Variants in RASA1 observed in about 807,000 individuals in gnomAD.
RASA1 encodes RAS p21 protein activator 1.
Under a neutral mutation model 132.2 loss-of-function variants are expected in RASA1, and 25 were observed. That is an observed-to-expected ratio of 0.19 (90% CI 0.14 to 0.26). The LOEUF is 0.26. RASA1 is among the 10% of genes least tolerant of loss of function. The probability of loss-of-function intolerance (pLI) is 1.00; values close to 1 mark genes in which losing one functional copy is unlikely to be tolerated. For missense variants in RASA1, 964 were observed against 1,299.2 expected (o/e 0.74, Z 3.97); for synonymous variants, 477 against 449.9 (o/e 1.06, Z -0.76).
intron 22 of RASA1, among the ~76,000 whole-genome samples, chr5:87,386,255 G>A (rs147341946): frequency 1.3e-5 from 2 of 152,096 alleles, no homozygotes; most frequent in African/African-American, 2.4e-5. Context: ...AAAAGAGTGT[G>A]TTAATCTTAA....
Position 87,369,873 on chromosome 5 carries a change from T to C in RASA1, c.1671T>C (p.Phe557=), listed in dbSNP as rs941056921. ...HFSEEHYIFY[F]AGETPEQAED... ...GTGAAGAACATTACATCTTTTACTT[T>C]GCAGGAGAAACTCCAGAACAAGCAG... The change falls in exon 12 of 25, where the codon TTT becomes TTC. Residue 557 remains phenylalanine, a synonymous_variant. Coordinates refer to ENST00000274376, the MANE Select transcript of RASA1 (RefSeq NM_002890.3). 2 of 1,611,622 alleles carry C rather than the reference T, an allele frequency of 1.2e-6. No homozygotes were observed. Among genetic ancestry groups the C allele is most frequent in the Non-Finnish European group, 1.7e-6 (2 of 1,178,180 alleles).
At chr5:87,388,149 A>C (rs2112521023) in intron 23 of RASA1, among the ~76,000 whole-genome samples, 1 of 152,304 alleles carries the variant, frequency 6.6e-6, no homozygotes, top group East Asian at 1.9e-4. Context: ...TGATTACTTT[A>C]TTCTAAAGTC....
intron 1 of RASA1, among the ~76,000 whole-genome samples, chr5:87,310,340 G>T (rs1350520991): frequency 1.3e-5 from 2 of 152,108 alleles, no homozygotes; most frequent in African/African-American, 4.8e-5. Context: ...CAAAATATTT[G>T]CAAGCAAAGG....
chr5:87,344,460 T>A (rs187387120), intron 6 of RASA1, among the ~76,000 whole-genome samples: 1 of 152,136 alleles, frequency 6.6e-6, no homozygotes, highest in Admixed American at 6.6e-5. Flanking sequence ...CTAGCACTTA[T>A]CATCTGTAGT....
intron 1 of RASA1, among the ~76,000 whole-genome samples, chr5:87,282,004 A>G (rs1754340991): frequency 6.6e-6 from 1 of 152,006 alleles, no homozygotes; most frequent in Non-Finnish European, 1.5e-5. Context: ...GCTACTTTTT[A>G]GTTTTGTTGA....
chr5:87,298,292 C>T (rs1755208279), intron 1 of RASA1, among the ~76,000 whole-genome samples: 1 of 151,670 alleles, frequency 6.6e-6, no homozygotes, highest in Admixed American at 6.6e-5. Flanking sequence ...GCCTGTAGTC[C>T]CAGCTACTCG....
At chr5:87,367,164 A>T (rs1760589122) in intron 11 of RASA1, among the ~76,000 whole-genome samples, 2 of 152,352 alleles carry the variant, frequency 1.3e-5, no homozygotes, top group Middle Eastern at 6.8e-3. Context: ...ATGCCAAGGC[A>T]AATAGCATTA....
chr5:87,361,912 T>C (rs1760127804), intron 9 of RASA1, among the ~76,000 whole-genome samples: 2 of 152,206 alleles, frequency 1.3e-5, no homozygotes, highest in East Asian at 1.9e-4. Context: ...AAGAGGTACA[T>C]TACATGAGGA....
chr5:87,342,470 A>C (rs1490743812), intron 6 of RASA1, among the ~76,000 whole-genome samples: 1 of 152,122 alleles, frequency 6.6e-6, no homozygotes, highest in Non-Finnish European at 1.5e-5. Flanking sequence ...GGAGTTGCAA[A>C]TTCTAATTAA....
At chr5:87,355,351 C>T (rs1296897901) in intron 9 of RASA1, among the ~76,000 whole-genome samples, 3 of 152,124 alleles carry the variant, frequency 2.0e-5, no homozygotes, top group Non-Finnish European at 4.4e-5. Flanking sequence ...TTCTGAAAAT[C>T]CTAGGAGCAT....
At chr5:87,313,679 A>G (rs991012430) in intron 1 of RASA1, among the ~76,000 whole-genome samples, 1 of 152,236 alleles carries the variant, frequency 6.6e-6, no homozygotes, top group African/African-American at 2.4e-5. Context: ...GATTGATTAT[A>G]TTACAGATAA....
chr5:87,369,527 A>C (rs1760772448), intron 11 of RASA1, among the ~76,000 whole-genome samples: 1 of 152,160 alleles, frequency 6.6e-6, no homozygotes. Context: ...CTAGCAGTTC[A>C]GCTTCAATCT....
chr5:87,303,829 T>C (rs1217371513), intron 1 of RASA1, among the ~76,000 whole-genome samples: 8 of 151,374 alleles, frequency 5.3e-5, no homozygotes, highest in Non-Finnish European at 1.2e-4. Flanking sequence ...TTATCTTTGA[T>C]ACTTCTTGTC....
In RASA1 at chr5:87,307,723, T is replaced by C. The variant is rs566871782; in HGVS notation, c.540-23625T>C. Among the ~76,000 whole-genome samples the C allele has an allele frequency of 1.6e-3, 240 of 152,336 alleles. 1 individual carries two copies. Among genetic ancestry groups the C allele is most frequent in the Middle Eastern group, 6.8e-3 (2 of 294 alleles). The stretch of plus-strand genomic sequence containing the variant: ...TCTTCTTTGATCAGTCTTAACAAAA[T>C]GTTGACTTTAATAGTCTCTCCAAGA... On this transcript the variant is annotated intron_variant, in intron 1 of 24. Transcript: ENST00000274376.
intron 1 of RASA1, among the ~76,000 whole-genome samples, chr5:87,308,437 TTTTA>T (rs1399357123): frequency 1.3e-5 from 2 of 152,120 alleles, no homozygotes; most frequent in Non-Finnish European, 2.9e-5. Context: ...ATTTTTTGTG[TTTTA>T]TTTGTCTTTT....
At chr5:87,370,410 T>C (rs1369963129) in intron 12 of RASA1, among the ~76,000 whole-genome samples, 1 of 152,198 alleles carries the variant, frequency 6.6e-6, no homozygotes, top group East Asian at 1.9e-4. Flanking sequence ...TCTTATAGCG[T>C]CTATTAAGTA....
intron 9 of RASA1, among the ~76,000 whole-genome samples, chr5:87,355,569 G>A (rs1415216564): frequency 6.6e-6 from 1 of 152,186 alleles, no homozygotes; most frequent in African/African-American, 2.4e-5. Context: ...GATGTACAAG[G>A]AGATTGTTGT....
At chr5:87,279,104 C>T (rs1248298385) in intron 1 of RASA1, among the ~76,000 whole-genome samples, 2 of 151,896 alleles carry the variant, frequency 1.3e-5, no homozygotes, top group Non-Finnish European at 2.9e-5. Context: ...ATTAGCTGTT[C>T]GTGGTGTTGC....
At chr5:87,302,756 A>G (rs1428314799) in intron 1 of RASA1, among the ~76,000 whole-genome samples, 1 of 151,140 alleles carries the variant, frequency 6.6e-6, no homozygotes, top group Non-Finnish European at 1.5e-5. Flanking sequence ...TCTGCCTAAT[A>G]CGCACACCAC....
Sources: gnomAD v4.1 joint callset for allele counts (sites outside exome capture counted in the v4.1 genomes callset) on GRCh38, gnomAD v4.1.1 for gene constraint, MANE v1.5 for transcripts, NCBI Gene and HGNC (gene_info 2026-07-23, HGNC 2026-07-21) for gene names.